MED13L: variants seen among roughly 807,000 people sequenced by gnomAD.
The protein encoded by MED13L is mediator complex subunit 13L.
A neutral mutation model predicts 220.9 loss-of-function variants in MED13L; 7 were observed. That is an observed-to-expected ratio of 0.03 (90% CI 0.02 to 0.06). MED13L has a LOEUF of 0.06. Among genes scored for constraint, MED13L ranks in the 10% least tolerant of loss-of-function variants. The probability of loss-of-function intolerance (pLI) is 1.00; values close to 1 mark genes in which losing one functional copy is unlikely to be tolerated. For synonymous variants in MED13L, 1,011 were observed against 1,015.2 expected (o/e 1.00, Z 0.08); for missense variants, 1,965 against 2,760.5 (o/e 0.71, Z 6.46).
chr12:116,092,802 G>C (rs79529967), intron 4 of MED13L, among the ~76,000 whole-genome samples: 92 of 152,156 alleles, frequency 6.0e-4, no homozygotes, highest in African/African-American at 2.1e-3. Flanking sequence ...TGTGCTATCA[G>C]CACATACAAA....
chr12:115,987,930 A>T (rs1288993662), intron 17 of MED13L, among the ~76,000 whole-genome samples: 1 of 152,166 alleles, frequency 6.6e-6, no homozygotes, highest in African/African-American at 2.4e-5. Flanking sequence ...TTCTAACCTA[A>T]AATTTGAAAG....
At chr12:116,099,062 C>G (rs2137828415) in intron 3 of MED13L, among the ~76,000 whole-genome samples, 1 of 152,226 alleles carries the variant, frequency 6.6e-6, no homozygotes, top group African/African-American at 2.4e-5. Flanking sequence ...GGCACAGTAC[C>G]TTATTTAACT....
chr12:115,961,579 C>T (rs1875757523), intron 30 of MED13L, 181 bp from the exon 31 acceptor site: 3 of 851,526 alleles, frequency 3.5e-6, no homozygotes, highest in Non-Finnish European at 5.6e-6. Context: ...ATGGACTATC[C>T]AGTACAGTAG....
intron 5 of MED13L, among the ~76,000 whole-genome samples, chr12:116,021,693 TC>T (rs1243964863): frequency 2.6e-5 from 4 of 152,158 alleles, no homozygotes; most frequent in Admixed American, 6.5e-5. Context: ...TAAGACTATT[TC>T]AACCAGTCAT....
chr12:116,119,790 G>C (rs1593065944), intron 2 of MED13L, among the ~76,000 whole-genome samples: 2 of 98,496 alleles, frequency 2.0e-5, no homozygotes, highest in South Asian at 6.8e-4. Context: ...CTAGGCAAGA[G>C]AGAAAGACCC....
In MED13L at chr12:115,983,288, C is replaced by T; in HGVS notation, c.4784G>A (p.Gly1595Asp). 6.2e-7 allele frequency: 1 copy of T among 1,614,144 alleles called. No individual in the cohort carries two copies. The highest frequency in any genetic ancestry group is 8.5e-7 in the Non-Finnish European group (1 of 1,180,028). ...AGAGGTAGTGCTTATCTGGCTAATA[C>T]CAGGAGCAGAGGCAGACGATGAGAC... ...PPVSSSASAP[G>D]ISQISTTSSS... is the part of the protein sequence containing the mutation. Residue 1595 changes from glycine to aspartate, a missense_variant, in exon 21 of 31, where the codon GGT becomes GAT. By Grantham distance (94) the Gly-to-Asp change is moderately conservative. Transcript: ENST00000281928.
At chr12:116,160,642 C>A (rs1258253287) in intron 2 of MED13L, among the ~76,000 whole-genome samples, 1 of 151,920 alleles carries the variant, frequency 6.6e-6, no homozygotes, top group Non-Finnish European at 1.5e-5. Context: ...GTGGCATGAT[C>A]AGAGCTCCCT....
chr12:116,093,489 G>A (rs1872408639), intron 4 of MED13L, among the ~76,000 whole-genome samples: 1 of 152,042 alleles, frequency 6.6e-6, no homozygotes, highest in East Asian at 1.9e-4. Flanking sequence ...ATTAGTAAAT[G>A]AAATCATAGC....
intron 2 of MED13L, among the ~76,000 whole-genome samples, chr12:116,182,450 G>GCCACATT (rs1189604689): frequency 6.6e-6 from 1 of 152,128 alleles, no homozygotes; most frequent in Non-Finnish European, 1.5e-5. Flanking sequence ...AAAGAGAAAT[G>GCCACATT]CCACATTCCA....
chr12:116,115,749 T>C (rs764298044), intron 2 of MED13L, among the ~76,000 whole-genome samples: 18 of 152,048 alleles, frequency 1.2e-4, no homozygotes, highest in Non-Finnish European at 2.4e-4. Context: ...CAAATAAGTA[T>C]ATGAAAAAGT....
intron 3 of MED13L, among the ~76,000 whole-genome samples, chr12:116,105,531 TCA>T (rs1260954528): frequency 2.0e-5 from 3 of 152,188 alleles, no homozygotes; most frequent in Non-Finnish European, 4.4e-5. Flanking sequence ...ATGTATACTC[TCA>T]GATACTGAAA....
intron 1 of MED13L, among the ~76,000 whole-genome samples, chr12:116,257,729 T>A (rs1872174899): frequency 6.6e-6 from 1 of 152,084 alleles, no homozygotes; most frequent in Admixed American, 6.5e-5. Context: ...GCTTTTACTT[T>A]AAAAAAAACT....
rs201344273 is a variant in MED13L, at chr12:116,154,980, C to G, written c.311-43468G>C. 3.9e-5 allele frequency among the ~76,000 whole-genome samples: 6 copies of G among 152,234 alleles called. No individual in the cohort carries two copies. The East Asian group carries it at 1.2e-3, about 30-fold the overall frequency. ...CAGCTGGGACTTCAGGCACACAACACTACACCTGGCTAATTTCTGTATTTT... is the reference window on the plus strand; with the variant it reads ...CAGCTGGGACTTCAGGCACACAACAGTACACCTGGCTAATTTCTGTATTTT... On this transcript the variant is annotated intron_variant, in intron 2 of 30. Transcript: ENST00000281928.
chr12:116,213,220 T>C (rs929502337), intron 2 of MED13L, among the ~76,000 whole-genome samples: 12 of 150,672 alleles, frequency 8.0e-5, no homozygotes, highest in African/African-American at 2.7e-4. Flanking sequence ...TGGGAAGGAG[T>C]GGGCAGACAA....
intron 12 of MED13L, 52 bp downstream of exon 12, chr12:116,006,254 T>C: frequency 6.7e-7 from 1 of 1,494,360 alleles, no homozygotes; most frequent in African/African-American, 1.4e-5. Context: ...GCATCTCCTT[T>C]GCATTTCATT....
At chr12:116,097,597 T>C (rs1456124334) in intron 3 of MED13L, among the ~76,000 whole-genome samples, 5 of 152,196 alleles carry the variant, frequency 3.3e-5, no homozygotes, top group African/African-American at 1.2e-4. Context: ...GTAGGCACAA[T>C]AAAGGACTTG....
chr12:116,268,829 A>T (rs1284884921), intron 1 of MED13L, among the ~76,000 whole-genome samples: 2 of 152,230 alleles, frequency 1.3e-5, no homozygotes, highest in Admixed American at 1.3e-4. Flanking sequence ...TTTAATATCA[A>T]ATGTCTTAAA....
At chr12:116,233,902 T>C (rs1869818932) in intron 2 of MED13L, among the ~76,000 whole-genome samples, 1 of 151,120 alleles carries the variant, frequency 6.6e-6, no homozygotes, top group Non-Finnish European at 1.5e-5. Flanking sequence ...TAGCCTTCTC[T>C]CAGACTATTT....
intron 4 of MED13L, among the ~76,000 whole-genome samples, chr12:116,088,583 GC>G (rs1317002286): frequency 6.6e-6 from 1 of 152,000 alleles, no homozygotes; most frequent in Non-Finnish European, 1.5e-5. Context: ...CAATTATCCA[GC>G]CCAAGAATCA....
Sources: allele counts gnomAD v4.1 joint callset (sites outside exome capture counted in the v4.1 genomes callset), GRCh38; gene constraint gnomAD v4.1.1; transcripts MANE v1.5; gene names NCBI Gene and HGNC (gene_info 2026-07-23, HGNC 2026-07-21).